Variants in LRRC7 observed in about 807,000 individuals in gnomAD.
LRRC7 encodes the protein leucine rich repeat containing 7.
In LRRC7, 23 loss-of-function variants were observed where a neutral mutation model predicts 175.7. That is an observed-to-expected ratio of 0.13 (90% CI 0.09 to 0.19). The LOEUF is 0.19. Among genes scored for constraint, LRRC7 ranks in the 10% least tolerant of loss-of-function variants. LRRC7 has a pLI of 1.00. For missense variants in LRRC7, 1,354 were observed against 1,904.7 expected, an observed-to-expected ratio of 0.71 and a Z score of 5.38; for synonymous variants, 685 against 680.9, an observed-to-expected ratio of 1.01 and a Z score of -0.09.
At chr1:69,592,653 G>A (rs1295010570) in intron 1 of LRRC7, among the ~76,000 whole-genome samples, 5 of 152,008 alleles carry the variant, frequency 3.3e-5, no homozygotes, top group East Asian at 1.9e-4. Flanking sequence ...ATTTAAGAAC[G>A]TATCATAGGA....
intron 7 of LRRC7, among the ~76,000 whole-genome samples, chr1:69,882,345 A>G (rs957560336): frequency 6.6e-6 from 1 of 152,192 alleles, no homozygotes; most frequent in Non-Finnish European, 1.5e-5. Flanking sequence ...TGATCCAGCA[A>G]TTCCCCTTCT....
At position 69,568,279 on chromosome 1, in the gene LRRC7, A is replaced by ACCG. The variant is rs1011118516; in HGVS notation, c.-344_-342dup. On this transcript the variant is annotated 5_prime_UTR_variant, in exon 1 of 27. Coordinates refer to ENST00000651989, the MANE Select transcript of LRRC7 (RefSeq NM_001370785.2). ...GCGGGGAGGGAGCTGCGCCTCCGCC[A>ACCG]CCGCCGCCGCCGCCGCCGCTGCTGC... The ACCG allele has an allele frequency of 5.4e-4, 112 of 206,236 alleles. No homozygotes were observed. The highest frequency in any genetic ancestry group is 2.0e-3 in the African/African-American group (84 of 41,668). The allele number at this position is 206,236 out of a possible 1,614,324, so 12.8% of individuals were successfully genotyped here. A position where few individuals can be genotyped will look rare whatever the true frequency, so the allele number is the denominator to read the frequency against.
At chr1:69,641,973 T>G (rs1185185229) in intron 1 of LRRC7, among the ~76,000 whole-genome samples, 1 of 151,890 alleles carries the variant, frequency 6.6e-6, no homozygotes, top group Non-Finnish European at 1.5e-5. Flanking sequence ...TTAAGCTAGC[T>G]GTTAGAGCTT....
chr1:70,068,191 A>C (rs145070384), intron 23 of LRRC7, among the ~76,000 whole-genome samples: 1 of 152,290 alleles, frequency 6.6e-6, no homozygotes, highest in East Asian at 1.9e-4. Context: ...TCCTGATCTT[A>C]GTGGTAAAGC....
intron 23 of LRRC7, among the ~76,000 whole-genome samples, chr1:70,070,714 G>A (rs1392419159): frequency 6.6e-6 from 1 of 152,174 alleles, no homozygotes; most frequent in South Asian, 2.1e-4. Flanking sequence ...ATTGCTAAGT[G>A]AGGATGGAAG....
chr1:69,667,365 TTC>T (rs1326974034), intron 1 of LRRC7, among the ~76,000 whole-genome samples: 12 of 152,330 alleles, frequency 7.9e-5, no homozygotes, highest in African/African-American at 1.2e-4. Flanking sequence ...CTTGTTGATT[TTC>T]TGTCTGGAAG....
Position 70,039,395 on chromosome 1 carries a change from G to A in LRRC7, c.3571G>A (p.Asp1191Asn), listed in dbSNP as rs1659661387. The change falls in exon 21 of 27, where the codon GAT (aspartate) becomes AAT (asparagine). Residue 1191 changes from aspartate to asparagine, a missense_variant. By Grantham distance (23) the Asp-to-Asn change is conservative. This residue lies in a region of LRRC7 where 1,032 missense variants were observed against 1,227.2 expected (regional missense o/e 0.84). Coordinates refer to ENST00000651989, the MANE Select transcript of LRRC7 (RefSeq NM_001370785.2). The part of the protein sequence containing the change: ...YGRPPYRGGL[D>N]RQSSVTVTES... Reference sequence around the variant, plus strand: ...CAGACCCCCATATAGGGGAGGGCTGGATCGCCAAAGCAGCGTTACAGTGAC... The same window carrying A: ...CAGACCCCCATATAGGGGAGGGCTGAATCGCCAAAGCAGCGTTACAGTGAC... 1 of 1,614,002 alleles carries A rather than the reference G, an allele frequency of 6.2e-7. No homozygotes were observed. The highest frequency in any genetic ancestry group is 8.5e-7 in the Non-Finnish European group (1 of 1,180,024).
intron 7 of LRRC7, among the ~76,000 whole-genome samples, chr1:69,849,099 A>G (rs1192305218): frequency 6.6e-6 from 1 of 152,024 alleles, no homozygotes; most frequent in Non-Finnish European, 1.5e-5. Flanking sequence ...CACATTTACT[A>G]CTTAACAGCA....
At position 69,760,334 on chromosome 1, in the gene LRRC7, T is replaced by G. The variant is rs1670904012; in HGVS notation, c.244T>G (p.Phe82Val). 1 of 1,612,740 alleles carries G rather than the reference T, an allele frequency of 6.2e-7. No individual in the cohort carries two copies. Among genetic ancestry groups the G allele is most frequent in the Admixed American group, 1.7e-5 (1 of 59,818 alleles). ...GCAGGTGCCAAAGGAGGTCTTTAAC[T>G]TCGAACGAACATTAGAGGAGCTTTA... ...LQQVPKEVFNFERTLEELYLD... is the reference protein window; with the variant it reads ...LQQVPKEVFNVERTLEELYLD... The change falls in exon 3 of 27, where the codon TTC (phenylalanine) becomes GTC (valine). Residue 82 changes from phenylalanine to valine, a missense_variant. Physicochemically the swap from Phe to Val is conservative, Grantham distance 50. Coordinates refer to ENST00000651989, the MANE Select transcript of LRRC7 (RefSeq NM_001370785.2).
intron 7 of LRRC7, among the ~76,000 whole-genome samples, chr1:69,873,035 G>A (rs189948789): frequency 1.3e-5 from 2 of 152,200 alleles, no homozygotes; most frequent in Admixed American, 6.5e-5. Context: ...AAATATCAAT[G>A]TGTCCATTTC....
chr1:70,038,011 CAGTT>C, intron 20 of LRRC7, 98 bp from the exon 21 acceptor site: 1 of 1,365,598 alleles, frequency 7.3e-7, no homozygotes, highest in Non-Finnish European at 1.0e-6. Context: ...GATTATTGAT[CAGTT>C]AAACAAAGGA....
intron 2 of LRRC7, among the ~76,000 whole-genome samples, chr1:69,703,039 C>T (rs887615741): frequency 3.9e-5 from 6 of 152,166 alleles, no homozygotes; most frequent in Non-Finnish European, 8.8e-5. Flanking sequence ...GATCTGTCTG[C>T]AGAGTCCAGC....
At chr1:69,819,272 G>C (rs1318202696) in intron 4 of LRRC7, among the ~76,000 whole-genome samples, 2 of 150,866 alleles carry the variant, frequency 1.3e-5, no homozygotes, top group African/African-American at 4.9e-5. Context: ...ATTTTTTTTT[G>C]TATCAAGATT....
chr1:70,026,389 T>C lies in LRRC7; in HGVS notation c.1795-1782T>C, dbSNP rs1044236617. Among the ~76,000 whole-genome samples, 112 of 152,288 alleles carry C rather than the reference T, an allele frequency of 7.4e-4. 1 individual carries two copies. Among genetic ancestry groups the C allele is most frequent in the Non-Finnish European group, 1.0e-4 (7 of 67,992 alleles). ...CTAGCACTTTGATGTCAAGTACTTTTAAACAAGTTCAATGATACAATTTAA... is the reference window on the plus strand; with the variant it reads ...CTAGCACTTTGATGTCAAGTACTTTCAAACAAGTTCAATGATACAATTTAA... On this transcript the variant is annotated intron_variant, in intron 17 of 26. Coordinates refer to ENST00000651989, the MANE Select transcript of LRRC7 (RefSeq NM_001370785.2).
intron 3 of LRRC7, among the ~76,000 whole-genome samples, chr1:69,776,274 G>A (rs1672796282): frequency 6.6e-6 from 1 of 152,054 alleles, no homozygotes; most frequent in African/African-American, 2.4e-5. Flanking sequence ...ATGTGAGTAT[G>A]GTGTCTGCAA....
intron 3 of LRRC7, among the ~76,000 whole-genome samples, chr1:69,768,440 C>T (rs1671862863): frequency 6.6e-6 from 1 of 152,154 alleles, no homozygotes; most frequent in African/African-American, 2.4e-5. Flanking sequence ...AATAACAACA[C>T]CCACTATCAC....
At chr1:70,030,630 T>C (rs1410680873) in intron 18 of LRRC7, among the ~76,000 whole-genome samples, 2 of 152,216 alleles carry the variant, frequency 1.3e-5, no homozygotes, top group South Asian at 2.1e-4. Context: ...ATCATTGTTA[T>C]TAGTTCACAC....
intron 7 of LRRC7, among the ~76,000 whole-genome samples, chr1:69,916,066 T>TCA (rs1557884059): frequency 7.5e-6 from 1 of 134,118 alleles, no homozygotes; most frequent in African/African-American, 3.1e-5. Flanking sequence ...TATGTATATT[T>TCA]TATATATATA....
intron 1 of LRRC7, among the ~76,000 whole-genome samples, chr1:69,624,918 C>A (rs1053249710): frequency 6.6e-6 from 1 of 151,970 alleles, no homozygotes; most frequent in Non-Finnish European, 1.5e-5. Context: ...TTAATTTATA[C>A]CATTTGTGAG....
Sources: gnomAD v4.1 joint callset for allele counts (sites outside exome capture counted in the v4.1 genomes callset) on GRCh38, gnomAD v4.1.1 for gene constraint, gnomAD v4.1.1 regional missense constraint, MANE v1.5 for transcripts, NCBI Gene and HGNC (gene_info 2026-07-23, HGNC 2026-07-21) for gene names.